TRMT9B: variants seen among roughly 807,000 people sequenced by gnomAD.
The protein encoded by TRMT9B is tRNA methyltransferase 9B (putative).
A neutral mutation model predicts 11.5 loss-of-function variants in TRMT9B; 16 were observed. The ratio of observed to expected loss-of-function variants is 1.39; its 90% CI spans 0.94 to 2.11. TRMT9B has a LOEUF of 2.11. Among genes scored for constraint, TRMT9B ranks in the 30% most tolerant of loss-of-function variants. The pLI is 0.00. For synonymous variants in TRMT9B, 274 were observed against 192.4 expected (o/e 1.42, Z -3.51); for missense variants, 941 against 553.8 (o/e 1.70, Z -7.02).
At position 13,022,064 on chromosome 8, in the gene TRMT9B, T is replaced by A. The variant is rs747364061; in HGVS notation, c.*20T>A. On this transcript the variant is annotated 3_prime_UTR_variant, in exon 5 of 5. Coordinates refer to ENST00000524591, the MANE Select transcript of TRMT9B (RefSeq NM_020844.3). ...GATTGATTGGATCCTTTTAGACAAC[T>A]CCTCCAAAAGATGAACCACATTCTT... 4.7e-6 allele frequency: 7 copies of A among 1,498,056 alleles called. No homozygotes were observed. The African/African-American group carries it at 8.4e-5, about 18-fold the overall frequency. 92.8% of individuals were successfully genotyped at this position (1,498,056 alleles called of 1,614,324 possible).
chr8:12,998,559 G>T (rs1157403033), intron 2 of TRMT9B, among the ~76,000 whole-genome samples: 2 of 152,228 alleles, frequency 1.3e-5, no homozygotes, highest in African/African-American at 4.8e-5. Context: ...AGTGCTTACA[G>T]CCTATTACCC....
chr8:13,013,435 C>T (rs1460592304), intron 4 of TRMT9B, among the ~76,000 whole-genome samples: 1 of 152,138 alleles, frequency 6.6e-6, no homozygotes. Context: ...TTCTCATATC[C>T]TCCCAACAAG....
At chr8:12,979,221 A>T (rs1804963274) in intron 1 of TRMT9B, among the ~76,000 whole-genome samples, 1 of 152,160 alleles carries the variant, frequency 6.6e-6, no homozygotes, top group Admixed American at 6.5e-5. Flanking sequence ...TCCTGTTCTC[A>T]GGGCCCAGTT....
At chr8:12,950,537 T>TTTCTTTCTTTCTTTCTTTC (rs1800514667) in intron 1 of TRMT9B, among the ~76,000 whole-genome samples, 1 of 149,358 alleles carries the variant, frequency 6.7e-6, no homozygotes, top group African/African-American at 2.5e-5. Context: ...ACTCGTGGTT[T>TTTCTTTCTTTCTTTCTTTC]TTTCTTTCTT....
chr8:12,976,213 T>C (rs1804419720), intron 1 of TRMT9B, among the ~76,000 whole-genome samples: 1 of 151,984 alleles, frequency 6.6e-6, no homozygotes, highest in African/African-American at 2.4e-5. Context: ...CTTTGGGAGG[T>C]CTATGTATAA....
chr8:12,974,271 G>T (rs949908573), intron 1 of TRMT9B, among the ~76,000 whole-genome samples: 1 of 152,000 alleles, frequency 6.6e-6, no homozygotes, highest in African/African-American at 2.4e-5. Context: ...TGAGTTGGGA[G>T]TGAAGGATGC....
chr8:13,020,927 G>C, intron 4 of TRMT9B, 81 bp from the exon 5 acceptor site: 1 of 918,418 alleles, frequency 1.1e-6, no homozygotes, highest in South Asian at 2.2e-5. Context: ...TTTCATCCTT[G>C]TTATATGGTA....
intron 2 of TRMT9B, among the ~76,000 whole-genome samples, chr8:13,003,115 T>C (rs1809772833): frequency 6.6e-6 from 1 of 152,228 alleles, no homozygotes; most frequent in South Asian, 2.1e-4. Context: ...CTCCAGAGTC[T>C]TCCAGCAGAC....
chr8:12,951,717 C>G (rs1800642215), intron 1 of TRMT9B: 1 of 151,886 alleles, frequency 6.6e-6, no homozygotes, highest in Non-Finnish European at 1.5e-5. Flanking sequence ...GAGGCGGGGA[C>G]GGTGACGGGG....
chr8:13,009,366 C>G (rs1331760165), intron 3 of TRMT9B, among the ~76,000 whole-genome samples: 1 of 152,036 alleles, frequency 6.6e-6, no homozygotes, highest in East Asian at 1.9e-4. Context: ...ATCAACAAGT[C>G]ACAAGAAAAA....
chr8:12,960,321 C>G (rs1801928713), intron 1 of TRMT9B: 1 of 152,206 alleles, frequency 6.6e-6, no homozygotes, highest in African/African-American at 2.4e-5. Flanking sequence ...GCAAAAGCTA[C>G]CTGACAATCA....
At chr8:13,013,008 A>G (rs1156772344) in intron 4 of TRMT9B, among the ~76,000 whole-genome samples, 151 bp downstream of exon 4, 1 of 152,208 alleles carries the variant, frequency 6.6e-6, no homozygotes, top group African/African-American at 2.4e-5. Context: ...TACTTGACTG[A>G]TTTGACTTAA....
chr8:13,020,354 G>A (rs1169547782), intron 4 of TRMT9B, among the ~76,000 whole-genome samples: 3 of 152,130 alleles, frequency 2.0e-5, no homozygotes, highest in Non-Finnish European at 2.9e-5. Context: ...CTTATGACTT[G>A]ATAAAGGCAG....
intron 2 of TRMT9B, among the ~76,000 whole-genome samples, chr8:12,998,632 G>A (rs1269935052): frequency 1.3e-5 from 2 of 152,222 alleles, no homozygotes; most frequent in Non-Finnish European, 2.9e-5. Flanking sequence ...AGGACATTTA[G>A]TTATAGCACC....
rs188061849 is a variant in TRMT9B at position 13,021,394 on chromosome 8, T to C, written c.715T>C (p.Phe239Leu). 1.4e-5 allele frequency: 23 copies of C among 1,614,042 alleles called. No individual in the cohort carries two copies. In the East Asian group the frequency reaches 4.9e-4, roughly 34 times the overall value. The stretch of plus-strand genomic sequence containing the variant: ...TAAGGAAGGCGAGGAAGAATATGGA[T>C]TTTACAGCACATTAGGAAAATCGTT... ...ISKEGEEEYG[F>L]YSTLGKSFRS... The change falls in exon 5 of 5, where the codon TTT (phenylalanine) becomes CTT (leucine). Residue 239 changes from phenylalanine to leucine, a missense_variant. Phe to Leu is a conservative substitution (Grantham distance 22). Transcript: ENST00000524591.
chr8:12,995,010 G>A (rs1194568990), intron 2 of TRMT9B, among the ~76,000 whole-genome samples: 1 of 152,184 alleles, frequency 6.6e-6, no homozygotes, highest in South Asian at 2.1e-4. Context: ...TCTTGCCTAC[G>A]CTTCCAGGCT....
At chr8:13,002,874 A>G (rs1275296279) in intron 2 of TRMT9B, among the ~76,000 whole-genome samples, 2 of 152,114 alleles carry the variant, frequency 1.3e-5, no homozygotes, top group Admixed American at 6.5e-5. Context: ...CTGTCCAGGG[A>G]CAGTATCTTC....
At chr8:12,977,429 G>A (rs890281493) in intron 1 of TRMT9B, among the ~76,000 whole-genome samples, 14 of 152,148 alleles carry the variant, frequency 9.2e-5, no homozygotes, top group African/African-American at 2.9e-4. Context: ...TTGGCCGGGC[G>A]TGGGTGCTCA....
chr8:13,004,394 C>T (rs1055401881), intron 2 of TRMT9B, among the ~76,000 whole-genome samples: 1 of 151,674 alleles, frequency 6.6e-6, no homozygotes, highest in African/African-American at 2.4e-5. Context: ...CAGCTCCTGG[C>T]TCCAAAAGAG....
Sources: allele counts gnomAD v4.1 joint callset (sites outside exome capture counted in the v4.1 genomes callset), GRCh38; gene constraint gnomAD v4.1.1; transcripts MANE v1.5; gene names NCBI Gene and HGNC (gene_info 2026-07-23, HGNC 2026-07-21).